PDS5A: variants seen among roughly 807,000 people sequenced by gnomAD.
The protein encoded by PDS5A is sister chromatid cohesion protein PDS5 homolog A.
A neutral mutation model predicts 167.1 loss-of-function variants in PDS5A; 42 were observed. That is an observed-to-expected ratio of 0.25 (90% CI 0.20 to 0.33). The LOEUF is 0.33. Ranked by LOEUF, PDS5A falls within the 10% of genes least tolerant of loss-of-function variation. The pLI is 1.00. For synonymous variants in PDS5A, 553 were observed against 554.6 expected (o/e 1.00, Z 0.04); for missense variants, 1,033 against 1,605.9 (o/e 0.64, Z 6.10).
At chr4:39,919,370 G>A (rs764933398) in intron 7 of PDS5A, among the ~76,000 whole-genome samples, 2 of 152,188 alleles carry the variant, frequency 1.3e-5, no homozygotes, top group Non-Finnish European at 2.9e-5. Context: ...AAATAGCCGG[G>A]TGCGGTGGCT....
chr4:39,889,567 T>C (rs1721792937), intron 17 of PDS5A, among the ~76,000 whole-genome samples: 1 of 152,216 alleles, frequency 6.6e-6, no homozygotes, highest in Non-Finnish European at 1.5e-5. Flanking sequence ...GCTTATCTAC[T>C]GGAAAAATGA....
chr4:39,923,341 A>AAG lies in PDS5A; in HGVS notation c.528-594_528-593insCT, dbSNP rs573430985. 4.2e-3 allele frequency among the ~76,000 whole-genome samples: 639 copies of AAG among 151,042 alleles called. 8 individuals are homozygous for AAG. Among genetic ancestry groups the AAG allele is most frequent in the African/African-American group, 0.015 (604 of 41,028 alleles). The stretch of plus-strand genomic sequence containing the variant: ...AGACTTTGTATCAATTAAAAAAAAA[A>AAG]AAAAAGAAAAAAAAAAGGAAAAGGA... On this transcript the variant is annotated intron_variant, in intron 5 of 32. Coordinates refer to ENST00000303538, the MANE Select transcript of PDS5A (RefSeq NM_001100399.2).
At position 39,873,054 on chromosome 4, in the gene PDS5A, G is replaced by T; in HGVS notation, c.2368C>A (p.Gln790Lys). 6.4e-7 allele frequency: 1 copy of T among 1,552,370 alleles called. No homozygotes were observed. The highest frequency in any genetic ancestry group is 8.8e-7 in the Non-Finnish European group (1 of 1,138,286). Residue 790 changes from glutamine (Q) to lysine (K), a missense_variant, in exon 21 of 33, where the codon CAG becomes AAG. Gln to Lys is a moderately conservative substitution (Grantham distance 53). Around this residue, in one of 4 missense-constraint regions of PDS5A, gnomAD observed 367 missense variants for 686.7 expected, o/e 0.53. Coordinates refer to ENST00000303538, the MANE Select transcript of PDS5A (RefSeq NM_001100399.2). The part of the protein sequence containing the change: ...LGHISMLAPD[Q>K]FASPMKSVVA... ...ACAGATTTCATTGGGGAAGCAAACT[G>T]ATCTGGTGCTAACATAGAAATGTGG...
chr4:39,898,980 T>C (rs890109959), intron 14 of PDS5A, among the ~76,000 whole-genome samples, 155 bp from the exon 15 acceptor site: 2 of 152,232 alleles, frequency 1.3e-5, no homozygotes, highest in African/African-American at 4.8e-5. Context: ...ACCACATATA[T>C]ACGCTAAACT....
intron 2 of PDS5A, among the ~76,000 whole-genome samples, chr4:39,955,183 T>TA (rs1201117745): frequency 1.3e-5 from 2 of 152,126 alleles, no homozygotes; most frequent in Non-Finnish European, 2.9e-5. Context: ...AAATCTAACT[T>TA]AGAGTTTAAA....
intron 12 of PDS5A, among the ~76,000 whole-genome samples, chr4:39,903,774 T>C (rs373596897): frequency 6.6e-6 from 1 of 152,188 alleles, no homozygotes; most frequent in African/African-American, 2.4e-5. Flanking sequence ...AGAGTGAACA[T>C]TTGGTCTCTA....
At chr4:39,898,646 G>C (rs1231705740) in intron 15 of PDS5A, 118 bp from the exon 16 acceptor site, 4 of 928,586 alleles carry the variant, frequency 4.3e-6, no homozygotes, top group Non-Finnish European at 6.4e-6. Context: ...CAGCCTAGCT[G>C]GTTCTTAGAA....
intron 2 of PDS5A, among the ~76,000 whole-genome samples, chr4:39,930,251 T>TTTG (rs1553903856): frequency 6.9e-5 from 8 of 115,556 alleles, no homozygotes; most frequent in Non-Finnish European, 1.6e-4. Context: ...AAAAAAGTTT[T>TTTG]TTTGTTTTTT....
chr4:39,950,760 G>T (rs933685739), intron 2 of PDS5A, among the ~76,000 whole-genome samples: 2 of 150,460 alleles, frequency 1.3e-5, no homozygotes, highest in African/African-American at 4.9e-5. Context: ...GCTAACTTTT[G>T]TATTTTTAGT....
Position 39,861,863 on chromosome 4 carries a change from C to T in PDS5A, c.3086+356G>A, listed in dbSNP as rs2109544497. Among the ~76,000 whole-genome samples, 3 of 152,270 alleles carry T rather than the reference C, an allele frequency of 2.0e-5. No individual in the cohort carries two copies. The South Asian group carries it at 6.2e-4, about 32-fold the overall frequency. On this transcript the variant is annotated intron_variant, in intron 26 of 32. Transcript: ENST00000303538. ...GAGAACAAAGAATAAAAAATATGCT[C>T]CACTGTTTTCAGTTCCAACTCCAAT...
intron 7 of PDS5A, among the ~76,000 whole-genome samples, chr4:39,918,296 A>G (rs1724590297): frequency 6.6e-6 from 1 of 152,066 alleles, no homozygotes; most frequent in Non-Finnish European, 1.5e-5. Context: ...ACTCAGAGAA[A>G]GTCAAATATG....
chr4:39,838,539 T>C (rs1178832150), intron 31 of PDS5A, among the ~76,000 whole-genome samples: 3 of 152,004 alleles, frequency 2.0e-5, no homozygotes, highest in South Asian at 2.1e-4. Flanking sequence ...CCCGGCAACA[T>C]AGTGAGATCC....
At chr4:39,945,885 G>A (rs1423135308) in intron 2 of PDS5A, among the ~76,000 whole-genome samples, 1 of 151,998 alleles carries the variant, frequency 6.6e-6, no homozygotes, top group East Asian at 1.9e-4. Flanking sequence ...TTTTTCTAAG[G>A]TTAAACGGAT....
At chr4:39,958,033 G>T (rs1369279346) in intron 2 of PDS5A, among the ~76,000 whole-genome samples, 1 of 151,912 alleles carries the variant, frequency 6.6e-6, no homozygotes, top group Non-Finnish European at 1.5e-5. Flanking sequence ...TGGGACTACA[G>T]GAGCACACCA....
intron 19 of PDS5A, among the ~76,000 whole-genome samples, chr4:39,876,151 A>G (rs921932372): frequency 2.0e-5 from 3 of 152,098 alleles, no homozygotes; most frequent in African/African-American, 7.2e-5. Flanking sequence ...GAAAAAATGT[A>G]TAGGATTTCC....
At chr4:39,839,945 T>C (rs933055965) in intron 31 of PDS5A, among the ~76,000 whole-genome samples, 2 of 151,520 alleles carry the variant, frequency 1.3e-5, no homozygotes, top group African/African-American at 4.9e-5. Flanking sequence ...AATACAAAAA[T>C]TAGCTGGGCA....
intron 30 of PDS5A, among the ~76,000 whole-genome samples, chr4:39,843,883 G>A (rs1468843664): frequency 6.6e-6 from 1 of 151,958 alleles, no homozygotes; most frequent in South Asian, 2.1e-4. Flanking sequence ...AGTGGTTTGC[G>A]CCTGTAATCC....
chr4:39,941,941 A>G (rs1727262694), intron 2 of PDS5A, among the ~76,000 whole-genome samples: 1 of 152,202 alleles, frequency 6.6e-6, no homozygotes, highest in Non-Finnish European at 1.5e-5. Flanking sequence ...AACAACAAAA[A>G]AAGTGAGCTA....
chr4:39,944,422 A>G (rs1273856047), intron 2 of PDS5A, among the ~76,000 whole-genome samples: 1 of 151,736 alleles, frequency 6.6e-6, no homozygotes, highest in East Asian at 2.0e-4. Flanking sequence ...GGCGGGGCAC[A>G]GTGGCTCACA....
Sources: gnomAD v4.1 joint callset for allele counts (sites outside exome capture counted in the v4.1 genomes callset) on GRCh38, gnomAD v4.1.1 for gene constraint, gnomAD v4.1.1 regional missense constraint, MANE v1.5 for transcripts, NCBI Gene and HGNC (gene_info 2026-07-23, HGNC 2026-07-21) for gene names.